SERPINI2: variants seen among roughly 807,000 people sequenced by gnomAD.
The protein encoded by SERPINI2 is serpin family I member 2.
SERPINI2 carries 48 observed loss-of-function variants against 47.3 expected under a neutral mutation model. That is an observed-to-expected ratio of 1.02 (90% CI 0.81 to 1.29). SERPINI2 has a LOEUF of 1.29. Among genes scored for constraint, SERPINI2 ranks in the 50% most tolerant of loss-of-function variants. SERPINI2 has a pLI of 0.00. For missense variants in SERPINI2, 448 were observed against 456.9 expected, an observed-to-expected ratio of 0.98 and a Z score of 0.18; for synonymous variants, 135 against 149.3, an observed-to-expected ratio of 0.90 and a Z score of 0.70.
intron 6 of SERPINI2, 107 bp downstream of exon 6, chr3:167,452,829 G>T (rs894843687): frequency 1.6e-6 from 1 of 612,188 alleles, no homozygotes; most frequent in South Asian, 2.5e-5. Context: ...TTCACTGTGC[G>T]TATATTTATC....
chr3:167,460,906 G>A (rs796408998), intron 5 of SERPINI2, among the ~76,000 whole-genome samples: 1 of 152,142 alleles, frequency 6.6e-6, no homozygotes. Flanking sequence ...AGGAACAACA[G>A]AAACTAAAAT....
At chr3:167,455,824 G>C (rs561499104) in intron 5 of SERPINI2, among the ~76,000 whole-genome samples, 1 of 152,148 alleles carries the variant, frequency 6.6e-6, no homozygotes, top group African/African-American at 2.4e-5. Context: ...AGAGAAACAG[G>C]GGGCAGGGGC....
At chr3:167,472,204 C>A (rs1750348569) in intron 1 of SERPINI2, among the ~76,000 whole-genome samples, 1 of 151,954 alleles carries the variant, frequency 6.6e-6, no homozygotes, top group Non-Finnish European at 1.5e-5. Context: ...ACTCTGACAT[C>A]AGGTAAACCT....
At chr3:167,445,035 A>T (rs1233167565) in intron 8 of SERPINI2, among the ~76,000 whole-genome samples, 1 of 152,210 alleles carries the variant, frequency 6.6e-6, no homozygotes, top group Non-Finnish European at 1.5e-5. Context: ...TTAGACAGAC[A>T]CATAGATCAA....
intron 5 of SERPINI2, among the ~76,000 whole-genome samples, chr3:167,462,840 A>G (rs1312088027): frequency 6.6e-6 from 1 of 152,168 alleles, no homozygotes; most frequent in Non-Finnish European, 1.5e-5. Context: ...GATGCTGAGA[A>G]TAAGGCCAAA....
rs1203849260 is a variant in SERPINI2 at position 167,455,491 on chromosome 3, G to A, written c.867-2458C>T. ...AAAAGTCTTGGATCAATTTCCCTCT[G>A]GGTTTGTGTTATCATCTGAAATCCC... On this transcript the variant is annotated intron_variant, in intron 5 of 8. Coordinates refer to ENST00000264677, the Ensembl canonical transcript of SERPINI2. 5.3e-5 allele frequency among the ~76,000 whole-genome samples: 8 copies of A among 151,856 alleles called. 1 individual carries two copies. In the South Asian group the frequency reaches 6.3e-4, roughly 12 times the overall value.
chr3:167,465,316 A>G (rs771791481), exon 5 of SERPINI2: 1 of 1,613,198 alleles, frequency 6.2e-7, no homozygotes. Context: ...CTTCTGCAGG[A>G]AGTATGATAA....
chr3:167,474,538 G>A (rs565277426), upstream of SERPINI2, among the ~76,000 whole-genome samples: 2 of 151,584 alleles, frequency 1.3e-5, no homozygotes, highest in Non-Finnish European at 3.0e-5. Context: ...AGTTTCCTGT[G>A]GATATAAGGT....
At chr3:167,473,742 C>T (rs1560238277) in intron 1 of SERPINI2, 8 of 1,477,108 alleles carry the variant, frequency 5.4e-6, no homozygotes, top group Non-Finnish European at 6.3e-6. Flanking sequence ...CTTACCTCAT[C>T]AGGTTTTGGA....
At chr3:167,461,940 G>A (rs1377480899) in intron 5 of SERPINI2, among the ~76,000 whole-genome samples, 2 of 151,962 alleles carry the variant, frequency 1.3e-5, no homozygotes, top group Non-Finnish European at 2.9e-5. Context: ...GTCACAACTG[G>A]GAAGCTGGCC....
chr3:167,453,528 G>A (rs1749699787), intron 5 of SERPINI2, among the ~76,000 whole-genome samples: 1 of 152,090 alleles, frequency 6.6e-6, no homozygotes, highest in African/African-American at 2.4e-5. Flanking sequence ...CTCGCCCATT[G>A]TCACAGTCAA....
intron 6 of SERPINI2, among the ~76,000 whole-genome samples, chr3:167,451,503 AT>A (rs2108155368): frequency 6.6e-6 from 1 of 152,346 alleles, no homozygotes; most frequent in African/African-American, 2.4e-5. Context: ...GGGTATCAGC[AT>A]TGGCTATGAC....
At chr3:167,468,619 A>T (rs531248767) in intron 2 of SERPINI2, among the ~76,000 whole-genome samples, 1 of 152,318 alleles carries the variant, frequency 6.6e-6, no homozygotes, top group South Asian at 2.1e-4. Context: ...GATATAAAAA[A>T]AACTTACTTC....
chr3:167,460,347 T>C (rs1560233981), intron 5 of SERPINI2, among the ~76,000 whole-genome samples: 1 of 152,234 alleles, frequency 6.6e-6, no homozygotes, highest in Non-Finnish European at 1.5e-5. Context: ...ACCAAACACA[T>C]ATTTTAAACG....
chr3:167,471,482 A>C, intron 2 of SERPINI2, 106 bp downstream of exon 2: 1 of 1,134,728 alleles, frequency 8.8e-7, no homozygotes, highest in Non-Finnish European at 1.2e-6. Context: ...TGTACTTTTC[A>C]TTACATTTTC....
chr3:167,455,546 T>C (rs1426953622), intron 5 of SERPINI2, among the ~76,000 whole-genome samples: 1 of 150,766 alleles, frequency 6.6e-6, no homozygotes, highest in Non-Finnish European at 1.5e-5. Flanking sequence ...TGAATCATTC[T>C]TGGTGTATTA....
intron 5 of SERPINI2, among the ~76,000 whole-genome samples, chr3:167,460,544 AAGTG>A (rs1377429773): frequency 6.6e-5 from 10 of 152,242 alleles, no homozygotes; most frequent in African/African-American, 2.4e-4. Flanking sequence ...TTTAGTAAAA[AAGTG>A]AATGCATTTT....
exon 5 of SERPINI2, chr3:167,465,235 T>C (rs1258072345): frequency 2.5e-6 from 4 of 1,611,520 alleles, no homozygotes; most frequent in African/African-American, 1.3e-5. Context: ...CTTCCTCTTC[T>C]TGCATCTCAG....
chr3:167,470,386 T>A (rs1750270059), intron 2 of SERPINI2, among the ~76,000 whole-genome samples: 1 of 152,116 alleles, frequency 6.6e-6, no homozygotes, highest in African/African-American at 2.4e-5. Context: ...TAAATACTGC[T>A]ACTCTGTGAT....
Sources: gnomAD v4.1 joint callset for allele counts (sites outside exome capture counted in the v4.1 genomes callset) on GRCh38, gnomAD v4.1.1 for gene constraint, MANE v1.5 for transcripts, NCBI Gene and HGNC (gene_info 2026-07-23, HGNC 2026-07-21) for gene names.